The following PDE4B variants were observed in gnomAD, a reference collection of about 807,000 sequenced individuals.
PDE4B encodes phosphodiesterase 4B.
In PDE4B, 20 loss-of-function variants were observed where a neutral mutation model predicts 82.2. The observed-to-expected ratio is 0.24, with a 90% CI of 0.17 to 0.35. The LOEUF (loss-of-function observed/expected upper bound fraction) is 0.35. Among genes scored for constraint, PDE4B ranks in the 10% least tolerant of loss-of-function variants. PDE4B has a pLI of 1.00. For synonymous variants in PDE4B, 320 were observed against 318.9 expected (o/e 1.00, Z -0.04); for missense variants, 655 against 907.2 (o/e 0.72, Z 3.57).
chr1:66,071,559 G>C (rs545689592), intron 3 of PDE4B, among the ~76,000 whole-genome samples: 1 of 152,188 alleles, frequency 6.6e-6, no homozygotes, highest in African/African-American at 2.4e-5. Context: ...ACCAGATACT[G>C]ATAGGAACTT....
intron 3 of PDE4B, among the ~76,000 whole-genome samples, chr1:66,045,087 T>G (rs1341939359): frequency 2.0e-5 from 3 of 151,794 alleles, no homozygotes; most frequent in Admixed American, 6.6e-5. Flanking sequence ...GTCAAACTCC[T>G]GCTCAATGCA....
intron 1 of PDE4B, among the ~76,000 whole-genome samples, chr1:65,869,615 G>C (rs1236741922): frequency 6.6e-6 from 1 of 151,904 alleles, no homozygotes; most frequent in African/African-American, 2.4e-5. Context: ...CATTCAGGAG[G>C]GTTAGAATTC....
intron 3 of PDE4B, among the ~76,000 whole-genome samples, chr1:66,234,191 C>T (rs1176751996): frequency 3.4e-4 from 52 of 152,134 alleles, no homozygotes; most frequent in Admixed American, 3.4e-3. Context: ...AGATACAGAC[C>T]TATTCACATT....
At chr1:65,925,517 C>T (rs1023933663) in intron 3 of PDE4B, among the ~76,000 whole-genome samples, 2 of 152,090 alleles carry the variant, frequency 1.3e-5, no homozygotes, top group African/African-American at 4.8e-5. Flanking sequence ...TTATGCACCC[C>T]CCGAGCCCCT....
At chr1:65,864,015 G>A (rs1646483306) in intron 1 of PDE4B, among the ~76,000 whole-genome samples, 1 of 151,902 alleles carries the variant, frequency 6.6e-6, no homozygotes, top group Non-Finnish European at 1.5e-5. Flanking sequence ...ATATTATTAT[G>A]TGTGAATTTG....
At chr1:66,368,370 T>A (rs1054527478) in intron 15 of PDE4B, among the ~76,000 whole-genome samples, 4 of 152,248 alleles carry the variant, frequency 2.6e-5, no homozygotes, top group African/African-American at 9.6e-5. Context: ...TTAAATCCCA[T>A]TGACTTGAAG....
intron 3 of PDE4B, among the ~76,000 whole-genome samples, chr1:66,202,703 G>A (rs929061160): frequency 3.3e-5 from 5 of 152,044 alleles, no homozygotes; most frequent in African/African-American, 1.2e-4. Flanking sequence ...TTGTTTGGTA[G>A]ATCTTCCTCC....
chr1:66,211,112 A>G (rs1650010551), intron 3 of PDE4B, among the ~76,000 whole-genome samples: 1 of 152,194 alleles, frequency 6.6e-6, no homozygotes, highest in Non-Finnish European at 1.5e-5. Context: ...TAAGAAGTGT[A>G]AAAAGATAAG....
chr1:66,354,473 G>A (rs927517975), intron 8 of PDE4B: 2 of 1,008,240 alleles, frequency 2.0e-6, no homozygotes, highest in Middle Eastern at 4.9e-4. Flanking sequence ...GCAGAGTTCA[G>A]CTGAGTAGGA....
intron 3 of PDE4B, among the ~76,000 whole-genome samples, chr1:66,188,891 GT>G (rs1213916979): frequency 1.3e-5 from 2 of 152,218 alleles, no homozygotes; most frequent in Non-Finnish European, 2.9e-5. Context: ...TGTTAGCTGG[GT>G]ATTTTGCTCA....
intron 3 of PDE4B, among the ~76,000 whole-genome samples, chr1:65,926,297 A>G: frequency 6.6e-6 from 1 of 152,340 alleles, no homozygotes; most frequent in Non-Finnish European, 1.5e-5. Flanking sequence ...CCTTATTTTT[A>G]AAGCAAAGGT....
At chr1:66,334,760 A>AT (rs2101925419) in intron 8 of PDE4B, among the ~76,000 whole-genome samples, 1 of 152,360 alleles carries the variant, frequency 6.6e-6, no homozygotes, top group South Asian at 2.1e-4. Context: ...GATTATTCAG[A>AT]TAATTGTCTC....
intron 1 of PDE4B, among the ~76,000 whole-genome samples, chr1:65,843,663 A>G (rs1351804824): frequency 1.3e-5 from 2 of 152,162 alleles, no homozygotes; most frequent in Admixed American, 6.6e-5. Flanking sequence ...GTAGGTGTTG[A>G]AAGACAGGAT....
chr1:65,944,915 C>T (rs1015215267), intron 3 of PDE4B, among the ~76,000 whole-genome samples: 1 of 151,896 alleles, frequency 6.6e-6, no homozygotes, highest in Non-Finnish European at 1.5e-5. Context: ...TCACTTTGGG[C>T]TCCTTATACC....
intron 13 of PDE4B, 155 bp from the exon 14 acceptor site, chr1:66,367,541 G>A: frequency 1.7e-6 from 1 of 598,346 alleles, no homozygotes; most frequent in Middle Eastern, 4.5e-4. Flanking sequence ...ACTTCTGTTT[G>A]TAGAGGGCCA....
chr1:65,937,832 GAT>G (rs1648240504), intron 3 of PDE4B, among the ~76,000 whole-genome samples: 1 of 152,080 alleles, frequency 6.6e-6, no homozygotes, highest in South Asian at 2.1e-4. Context: ...AGGTGCCTAG[GAT>G]AGATTCTGGC....
At chr1:65,887,800 A>G (rs1318451935) in intron 1 of PDE4B, among the ~76,000 whole-genome samples, 1 of 151,708 alleles carries the variant, frequency 6.6e-6, no homozygotes, top group African/African-American at 2.4e-5. Flanking sequence ...CCATTTTTCA[A>G]TGAGATTTTT....
chr1:66,074,896 C>A (rs956208386), intron 3 of PDE4B, among the ~76,000 whole-genome samples: 1 of 151,924 alleles, frequency 6.6e-6, no homozygotes, highest in Non-Finnish European at 1.5e-5. Context: ...GATGGACATT[C>A]GAGTTGTTTT....
At chr1:65,865,898 C>A (rs1471764589) in intron 1 of PDE4B, among the ~76,000 whole-genome samples, 1 of 152,172 alleles carries the variant, frequency 6.6e-6, no homozygotes, top group Non-Finnish European at 1.5e-5. Context: ...CTCTCTCCCT[C>A]CATCCCAACT....
Sources: allele counts gnomAD v4.1 joint callset (sites outside exome capture counted in the v4.1 genomes callset), GRCh38; gene constraint gnomAD v4.1.1; transcripts MANE v1.5; gene names NCBI Gene and HGNC (gene_info 2026-07-23, HGNC 2026-07-21).